Variants in CDH8 observed in about 807,000 individuals in gnomAD.
CDH8 encodes the protein cadherin-8.
A neutral mutation model predicts 68.1 loss-of-function variants in CDH8; 17 were observed. That is an observed-to-expected ratio of 0.25 (90% CI 0.17 to 0.37). The LOEUF (loss-of-function observed/expected upper bound fraction) is 0.37. Among genes scored for constraint, CDH8 ranks in the 10% least tolerant of loss-of-function variants. The pLI, the probability that CDH8 is intolerant of heterozygous loss-of-function variation, is 1.00. For missense variants in CDH8, 763 were observed against 999.3 expected, an observed-to-expected ratio of 0.76 and a Z score of 3.19; for synonymous variants, 372 against 365.1, an observed-to-expected ratio of 1.02 and a Z score of -0.21.
intron 2 of CDH8, among the ~76,000 whole-genome samples, chr16:61,969,940 GA>G (rs1965312060): frequency 1.3e-5 from 2 of 152,198 alleles, no homozygotes; most frequent in East Asian, 3.9e-4. Context: ...CTCTTAGTTT[GA>G]AATACTATAA....
At chr16:61,822,142 C>A (rs146811607) in intron 5 of CDH8, among the ~76,000 whole-genome samples, 1 of 145,052 alleles carries the variant, frequency 6.9e-6, no homozygotes, top group Non-Finnish European at 1.5e-5. Flanking sequence ...TACAATGGTC[C>A]AGAGTTTCTC....
At position 61,652,762 on chromosome 16, in the gene CDH8, T is replaced by C; in HGVS notation, c.*846A>G. On this transcript the variant is annotated 3_prime_UTR_variant, in exon 12 of 12. Coordinates refer to ENST00000577390, the MANE Select transcript of CDH8 (RefSeq NM_001796.5). The stretch of plus-strand genomic sequence containing the variant: ...CATTAATGGACATCAATAAAATATT[T>C]ATTTCGAGGATTAAACAAATAAATT... 9 of 1,325,610 alleles carry C rather than the reference T, an allele frequency of 6.8e-6. No homozygotes were observed. The highest frequency in any genetic ancestry group is 2.3e-5 in the South Asian group (1 of 43,650). The allele number at this position is 1,325,610 out of a possible 1,614,324, so 82.1% of individuals were successfully genotyped here. A position where few individuals can be genotyped will look rare whatever the true frequency, so the allele number is the denominator to read the frequency against.
chr16:62,000,373 C>T (rs1965875207), intron 2 of CDH8, among the ~76,000 whole-genome samples: 1 of 152,136 alleles, frequency 6.6e-6, no homozygotes. Context: ...TGAGGATTCT[C>T]CACACTGTCT....
rs1361498242 is a variant in CDH8, at chr16:61,674,278, C to A, written c.1655-18557G>T. 2.6e-5 allele frequency among the ~76,000 whole-genome samples: 4 copies of A among 152,002 alleles called. No homozygotes were observed. In the East Asian group the frequency reaches 7.7e-4, roughly 29 times the overall value. On this transcript the variant is annotated intron_variant, in intron 10 of 11. Coordinates refer to ENST00000577390, the MANE Select transcript of CDH8 (RefSeq NM_001796.5). The stretch of plus-strand genomic sequence containing the variant: ...GACCAGCCTGGCCAACATGGTGAAA[C>A]TCCATCTCTACTAAAAATACAAAAA...
chr16:61,973,502 A>G lies in CDH8; in HGVS notation c.252+47650T>C, dbSNP rs181424704. Reference sequence around the variant, plus strand: ...GAGGGTCTATGCCCCTAACTCCTGCAGTGTTAAAAGGTCAACTGTGTACGG... The same window carrying G: ...GAGGGTCTATGCCCCTAACTCCTGCGGTGTTAAAAGGTCAACTGTGTACGG... On this transcript the variant is annotated intron_variant, in intron 2 of 11. Transcript: ENST00000577390. Among the ~76,000 whole-genome samples, 345 of 152,312 alleles carry G rather than the reference A, an allele frequency of 2.3e-3. 1 individual carries two copies. The highest frequency in any genetic ancestry group is 3.2e-3 in the Non-Finnish European group (220 of 68,028).
At chr16:61,815,530 G>A (rs749055285) in intron 7 of CDH8, among the ~76,000 whole-genome samples, 19 of 152,246 alleles carry the variant, frequency 1.2e-4, no homozygotes, top group South Asian at 2.1e-4. Flanking sequence ...GATTAAGATC[G>A]TGTCTCTGCA....
chr16:61,698,607 AAT>A (rs1964369373), intron 10 of CDH8, among the ~76,000 whole-genome samples: 1 of 152,222 alleles, frequency 6.6e-6, no homozygotes, highest in Admixed American at 6.5e-5. Flanking sequence ...GACTCATTGC[AAT>A]ATGAGTGTCC....
At chr16:61,834,939 T>G (rs1184420450) in intron 4 of CDH8, among the ~76,000 whole-genome samples, 1 of 151,934 alleles carries the variant, frequency 6.6e-6, no homozygotes, top group East Asian at 1.9e-4. Context: ...CTTTAGAAAC[T>G]TAATTATAAA....
At chr16:61,811,023 C>CAAA (rs34071898) in intron 7 of CDH8, among the ~76,000 whole-genome samples, 9 of 87,634 alleles carry the variant, frequency 1.0e-4, no homozygotes, top group Non-Finnish European at 1.7e-4. Context: ...GACTCTGTCT[C>CAAA]AAAAAAAAAA....
Position 61,867,734 on chromosome 16 carries a change from C to T in CDH8, c.548-10496G>A, listed in dbSNP as rs148671869. On this transcript the variant is annotated intron_variant, in intron 3 of 11. Transcript: ENST00000577390. Reference sequence around the variant, plus strand: ...TACTCACTCCATTTCTGTGATTCCACAACTATCCACATAGCTCAATCTGAC... The same window carrying T: ...TACTCACTCCATTTCTGTGATTCCATAACTATCCACATAGCTCAATCTGAC... 2.0e-5 allele frequency among the ~76,000 whole-genome samples: 3 copies of T among 152,274 alleles called. No individual in the cohort carries two copies. The East Asian group carries it at 5.8e-4, about 29-fold the overall frequency.
At chr16:61,717,161 T>A (rs1964746246) in intron 9 of CDH8, among the ~76,000 whole-genome samples, 1 of 151,696 alleles carries the variant, frequency 6.6e-6, no homozygotes, top group South Asian at 2.1e-4. Flanking sequence ...TATTTTCCCT[T>A]CTGCTAATAA....
intron 8 of CDH8, among the ~76,000 whole-genome samples, chr16:61,775,740 T>G (rs1960884594): frequency 6.6e-6 from 1 of 152,050 alleles, no homozygotes; most frequent in Non-Finnish European, 1.5e-5. Context: ...TATATACATG[T>G]GAGGCCAAGA....
intron 1 of CDH8, among the ~76,000 whole-genome samples, chr16:62,035,382 T>A (rs1902431518): frequency 6.6e-6 from 1 of 152,118 alleles, no homozygotes. Flanking sequence ...GGGGAGACAC[T>A]GCCTGGGGGT....
intron 3 of CDH8, among the ~76,000 whole-genome samples, chr16:61,881,889 C>G (rs1486576976): frequency 2.6e-5 from 4 of 152,180 alleles, no homozygotes; most frequent in Non-Finnish European, 2.9e-5. Context: ...GAGCACATTT[C>G]TATATTCTCT....
At chr16:61,827,937 A>G (rs1208738421) in intron 4 of CDH8, among the ~76,000 whole-genome samples, 1 of 151,902 alleles carries the variant, frequency 6.6e-6, no homozygotes, top group African/African-American at 2.4e-5. Flanking sequence ...AGAATAGTGT[A>G]AGAGGCTTGT....
chr16:61,647,982 G>C lies in CDH8; in HGVS notation c.*5626C>G. 1.6e-6 allele frequency: 1 copy of C among 624,136 alleles called. No individual in the cohort carries two copies. The highest frequency in any genetic ancestry group is 2.4e-5 in the Admixed American group (1 of 40,818). 38.7% of individuals were successfully genotyped at this position (624,136 alleles called of 1,614,324 possible). ...CAAGATGTGAATTAGATGGTGGCAG[G>C]TAACTCAAGTTGGGGAAATAGTACC... is the stretch of plus-strand genomic sequence containing the variant. On this transcript the variant is annotated 3_prime_UTR_variant, in exon 12 of 12. Transcript: ENST00000577390.
chr16:61,845,023 G>A (rs1962774240), intron 4 of CDH8, among the ~76,000 whole-genome samples: 1 of 152,078 alleles, frequency 6.6e-6, no homozygotes, highest in African/African-American at 2.4e-5. Context: ...GAACTGTATG[G>A]GGCCACTTCT....
chr16:61,862,277 C>T (rs967896122), intron 3 of CDH8, among the ~76,000 whole-genome samples: 1 of 151,886 alleles, frequency 6.6e-6, no homozygotes, highest in Non-Finnish European at 1.5e-5. Flanking sequence ...ATTTTATAAA[C>T]AAAAGTGTAC....
chr16:61,747,711 C>T (rs533838509), intron 8 of CDH8, among the ~76,000 whole-genome samples: 2 of 151,002 alleles, frequency 1.3e-5, no homozygotes, highest in South Asian at 4.2e-4. Context: ...TTCTTTGTTA[C>T]CAGAAATATT....
Sources: gnomAD v4.1 joint callset for allele counts (sites outside exome capture counted in the v4.1 genomes callset) on GRCh38, gnomAD v4.1.1 for gene constraint, MANE v1.5 for transcripts, NCBI Gene and HGNC (gene_info 2026-07-23, HGNC 2026-07-21) for gene names.